Variants in PPP1R21 observed in about 807,000 individuals in gnomAD.
The protein encoded by PPP1R21 is KLRAQ motif containing 1.
PPP1R21 carries 85 observed loss-of-function variants against 112.8 expected under a neutral mutation model. That is an observed-to-expected ratio of 0.75 (90% confidence interval 0.63 to 0.90). PPP1R21 has a LOEUF of 0.90. Among genes scored for constraint, PPP1R21 ranks in the 40% least tolerant of loss-of-function variants. PPP1R21 has a pLI of 0.00. For synonymous variants in PPP1R21, 381 were observed against 322.3 expected (o/e 1.18, Z -1.95); for missense variants, 1,199 against 901.5 (o/e 1.33, Z -4.23).
intron 17 of PPP1R21, among the ~76,000 whole-genome samples, chr2:48,499,584 G>A (rs1248666891): frequency 1.3e-5 from 2 of 152,036 alleles, no homozygotes; most frequent in Non-Finnish European, 2.9e-5. Context: ...ACAAAAACAA[G>A]TAATAATAAA....
chr2:48,470,400 C>A (rs987975894), intron 9 of PPP1R21, among the ~76,000 whole-genome samples: 2 of 151,900 alleles, frequency 1.3e-5, no homozygotes, highest in Non-Finnish European at 2.9e-5. Flanking sequence ...CATCTGTAGT[C>A]CCAACTACTT....
intron 12 of PPP1R21, among the ~76,000 whole-genome samples, chr2:48,475,071 G>A (rs574735373): frequency 2.0e-5 from 3 of 152,302 alleles, no homozygotes; most frequent in East Asian, 1.9e-4. Flanking sequence ...AAGAACGTAC[G>A]GCCAGGCTGG....
intron 7 of PPP1R21, among the ~76,000 whole-genome samples, chr2:48,463,076 G>T (rs552343409): frequency 1.4e-4 from 22 of 152,276 alleles, no homozygotes; most frequent in African/African-American, 4.8e-4. Context: ...CTGACAGATG[G>T]GTTCATATGT....
intron 1 of PPP1R21, 164 bp downstream of exon 1, chr2:48,441,174 G>A: frequency 4.7e-6 from 3 of 633,310 alleles, no homozygotes; most frequent in South Asian, 3.5e-5. Flanking sequence ...TCCACCTGCA[G>A]CTCCCAGGAG....
At chr2:48,502,825 C>T (rs925990334) in intron 17 of PPP1R21, among the ~76,000 whole-genome samples, 2 of 151,744 alleles carry the variant, frequency 1.3e-5, no homozygotes, top group African/African-American at 2.4e-5. Context: ...GGACTACAGG[C>T]GCCTGCCACC....
Position 48,474,720 on chromosome 2 carries a change from G to A in PPP1R21, c.1126G>A (p.Ala376Thr). The change falls in exon 12 of 22, where the codon GCG (alanine) becomes ACG (threonine). Residue 376 changes from alanine to threonine, a missense_variant. Coordinates refer to ENST00000294952, the MANE Select transcript of PPP1R21 (RefSeq NM_001135629.3). ...ATGTGAATCCTCTCTTTGCACATCT[G>A]CGTTAAGAGCCAGGAATCTAGAGCT... ...EECESSLCTS[A>T]LRARNLELSQ... 6.2e-7 allele frequency: 1 copy of A among 1,613,070 alleles called. No homozygotes were observed. Among genetic ancestry groups the A allele is most frequent in the Non-Finnish European group, 8.5e-7 (1 of 1,179,540 alleles).
chr2:48,464,678 A>C (rs1442355474), intron 7 of PPP1R21, among the ~76,000 whole-genome samples: 1 of 152,188 alleles, frequency 6.6e-6, no homozygotes, highest in East Asian at 1.9e-4. Context: ...TGAAAGCAGT[A>C]TTTGAAATGA....
chr2:48,514,067 C>T (rs953279570), intron 21 of PPP1R21, among the ~76,000 whole-genome samples: 6 of 143,778 alleles, frequency 4.2e-5, no homozygotes, highest in Non-Finnish European at 6.0e-5. Flanking sequence ...AATGACGAGA[C>T]ATGTTCTTTT....
chr2:48,466,890 A>G (rs544867605), intron 9 of PPP1R21, among the ~76,000 whole-genome samples: 1 of 152,206 alleles, frequency 6.6e-6, no homozygotes, highest in Non-Finnish European at 1.5e-5. Context: ...AAATGGCTCC[A>G]GGTTCTAAAA....
intron 6 of PPP1R21, among the ~76,000 whole-genome samples, 180 bp from the exon 7 acceptor site, chr2:48,460,958 T>C (rs1667949869): frequency 1.3e-5 from 2 of 152,238 alleles, no homozygotes; most frequent in South Asian, 2.1e-4. Flanking sequence ...TCCCTGGGAC[T>C]TGAGAAGCCA....
intron 17 of PPP1R21, among the ~76,000 whole-genome samples, chr2:48,500,215 A>G (rs1221855076): frequency 6.6e-6 from 1 of 152,198 alleles, no homozygotes; most frequent in Non-Finnish European, 1.5e-5. Context: ...ATTATTATTT[A>G]GGAGAATATC....
At chr2:48,459,716 G>T in intron 4 of PPP1R21, 38 bp from the exon 5 acceptor site, 1 of 1,597,970 alleles carries the variant, frequency 6.3e-7, no homozygotes, top group Non-Finnish European at 8.5e-7. Context: ...ATGTATATTA[G>T]GATATTGTGA....
chr2:48,469,515 T>TAGC (rs1668404680), intron 9 of PPP1R21, among the ~76,000 whole-genome samples: 3 of 16,236 alleles, frequency 1.8e-4, no homozygotes, highest in African/African-American at 3.2e-4. Flanking sequence ...AGAGCATATA[T>TAGC]ATATATATAT....
intron 1 of PPP1R21, among the ~76,000 whole-genome samples, chr2:48,443,530 G>T (rs1402294644): frequency 1.3e-5 from 2 of 152,214 alleles, no homozygotes; most frequent in Admixed American, 1.3e-4. Context: ...GGAAACACCT[G>T]TCGGGAGGAT....
At chr2:48,497,168 C>G (rs1669884828) in intron 16 of PPP1R21, among the ~76,000 whole-genome samples, 1 of 152,176 alleles carries the variant, frequency 6.6e-6, no homozygotes, top group Non-Finnish European at 1.5e-5. Flanking sequence ...TCTGTGGGAT[C>G]TCACACTATC....
At chr2:48,513,961 T>C (rs1054754178) in intron 21 of PPP1R21, among the ~76,000 whole-genome samples, 2 of 152,174 alleles carry the variant, frequency 1.3e-5, no homozygotes, top group African/African-American at 4.8e-5. Flanking sequence ...CCAAGCTGAC[T>C]TTTGACAGAT....
At position 48,440,833 on chromosome 2, in the gene PPP1R21, G is replaced by T. The variant is rs1666981807; in HGVS notation, c.-121G>T. Reference sequence around the variant, plus strand: ...GAGGCGCGGCGGCGGCGGCGGCGGCGGCTGCGGTGGCCAAGCAGGCAGATA... The same window carrying T: ...GAGGCGCGGCGGCGGCGGCGGCGGCTGCTGCGGTGGCCAAGCAGGCAGATA... On this transcript the variant is annotated 5_prime_UTR_variant, in exon 1 of 22. Transcript: ENST00000294952. 16 of 701,656 alleles carry T rather than the reference G, an allele frequency of 2.3e-5. No individual in the cohort carries two copies. Among genetic ancestry groups the T allele is most frequent in the Non-Finnish European group, 2.7e-5 (11 of 413,596 alleles). The allele number at this position is 701,656 out of a possible 1,614,324, so 43.5% of individuals were successfully genotyped here. A position where few individuals can be genotyped will look rare whatever the true frequency, so the allele number is the denominator to read the frequency against.
At chr2:48,446,554 A>C (rs899144539) in intron 1 of PPP1R21, among the ~76,000 whole-genome samples, 6 of 152,088 alleles carry the variant, frequency 3.9e-5, no homozygotes, top group Non-Finnish European at 8.8e-5. Flanking sequence ...ACATTTAAAC[A>C]CCTTTATATG....
chr2:48,482,645 G>GTTT (rs200292830), intron 13 of PPP1R21, among the ~76,000 whole-genome samples: 13 of 126,554 alleles, frequency 1.0e-4, no homozygotes, highest in East Asian at 2.3e-4. Flanking sequence ...TAAAGACACT[G>GTTT]TTTTTTTTTT....
Sources: allele counts gnomAD v4.1 joint callset (sites outside exome capture counted in the v4.1 genomes callset), GRCh38; gene constraint gnomAD v4.1.1; transcripts MANE v1.5; gene names NCBI Gene and HGNC (gene_info 2026-07-23, HGNC 2026-07-21).